The following CTR9 variants were observed in gnomAD, a reference collection of about 807,000 sequenced individuals.
CTR9 encodes RNA polymerase-associated protein CTR9 homolog.
In CTR9, 41 loss-of-function variants were observed where a neutral mutation model predicts 152.1. That is an observed-to-expected ratio of 0.27 (90% confidence interval 0.21 to 0.35). The LOEUF (loss-of-function observed/expected upper bound fraction) is 0.35. Among genes scored for constraint, CTR9 ranks in the 10% least tolerant of loss-of-function variants. CTR9 has a pLI of 1.00. For synonymous variants in CTR9, 476 were observed against 496.2 expected (o/e 0.96, Z 0.54); for missense variants, 917 against 1,424.4 (o/e 0.64, Z 5.73).
chr11:10,774,268 A>G, intron 22 of CTR9, 99 bp downstream of exon 22: 1 of 1,419,872 alleles, frequency 7.0e-7, no homozygotes. Context: ...TGAACACTTG[A>G]TCCAAACAGT....
intron 4 of CTR9, among the ~76,000 whole-genome samples, chr11:10,756,474 G>C (rs1423417893): frequency 1.3e-5 from 2 of 152,056 alleles, no homozygotes; most frequent in Non-Finnish European, 2.9e-5. Context: ...TCATCATTTA[G>C]CTCCCACTTA....
chr11:10,772,419 G>A (rs994597569), intron 19 of CTR9, 101 bp from the exon 20 acceptor site: 1 of 1,005,750 alleles, frequency 9.9e-7, no homozygotes. Context: ...TCAGCTAATG[G>A]TCCTGCTTCA....
intron 2 of CTR9, 54 bp from the exon 3 acceptor site, chr11:10,754,903 AC>A: frequency 6.5e-7 from 1 of 1,549,366 alleles, no homozygotes. Flanking sequence ...TTTGTGTACA[AC>A]TTTTTATATG....
chr11:10,776,971 G>GAAAAAAA (rs11326865), intron 24 of CTR9, among the ~76,000 whole-genome samples: 1 of 63,236 alleles, frequency 1.6e-5, no homozygotes, highest in African/African-American at 5.7e-5. Context: ...AGACTCTTGT[G>GAAAAAAA]AAAAAAAAAA....
At chr11:10,772,786 G>C in intron 20 of CTR9, 131 bp downstream of exon 20, 1 of 929,356 alleles carries the variant, frequency 1.1e-6, no homozygotes. Context: ...TTGGGAGGAT[G>C]AGGTGGGTGG....
chr11:10,775,141 G>A, intron 22 of CTR9, 66 bp from the exon 23 acceptor site: 1 of 1,286,148 alleles, frequency 7.8e-7, no homozygotes, highest in African/African-American at 1.5e-5. Context: ...TAATTTAATG[G>A]CAAAGTAGTC....
intron 5 of CTR9, among the ~76,000 whole-genome samples, chr11:10,759,585 G>C (rs1340764866): frequency 6.6e-6 from 1 of 152,196 alleles, no homozygotes; most frequent in African/African-American, 2.4e-5. Flanking sequence ...GAGAGGATTT[G>C]TATAAGATGG....
chr11:10,777,824 C>G (rs888039422), intron 24 of CTR9, among the ~76,000 whole-genome samples: 2 of 152,148 alleles, frequency 1.3e-5, no homozygotes, highest in African/African-American at 4.8e-5. Context: ...GTTCCTAGAC[C>G]GAACTCTGTG....
intron 10 of CTR9, 46 bp from the exon 11 acceptor site, chr11:10,764,262 G>A: frequency 1.9e-6 from 3 of 1,613,568 alleles, no homozygotes; most frequent in Non-Finnish European, 8.5e-7. Context: ...CTGGTGTAGT[G>A]TCTCTCTTCC....
At position 10,763,829 on chromosome 11, in the gene CTR9, G is replaced by A; in HGVS notation, c.1144G>A (p.Gly382Ser). 2 of 1,613,604 alleles carry A rather than the reference G, an allele frequency of 1.2e-6. No homozygotes were observed. The highest frequency in any genetic ancestry group is 1.7e-6 in the Non-Finnish European group (2 of 1,179,936). Reference sequence around the variant, plus strand: ...TAATTACGAAACTATGAAAATTCTCGGCTCTCTCTATGCTGCCTCAGAAGA... The same window carrying A: ...TAATTACGAAACTATGAAAATTCTCAGCTCTCTCTATGCTGCCTCAGAAGA... ...PNNYETMKILGSLYAASEDQE... is the reference protein window; with the variant it reads ...PNNYETMKILSSLYAASEDQE... Residue 382 changes from glycine to serine, a missense_variant, in exon 9 of 25, where the codon GGC (glycine) becomes AGC (serine). Around this residue, in one of 9 missense-constraint regions of CTR9, gnomAD observed 133 missense variants for 244.1 expected, o/e 0.54. Transcript: ENST00000361367.
chr11:10,752,770 G>T lies in CTR9; in HGVS notation c.144G>T (p.Ala48=), dbSNP rs553969590. 15 of 1,610,360 alleles carry T rather than the reference G, an allele frequency of 9.3e-6. No homozygotes were observed. In the African/African-American group the frequency reaches 1.7e-4, roughly 19 times the overall value. ...HTQLHIWIAL[A]LEYYKQGKTE... The stretch of plus-strand genomic sequence containing the variant: ...AACTGCACATATGGATTGCTTTGGC[G>T]GTCAGTATTCATGTAGCAAATATTT... The change falls in exon 2 of 25, where the codon GCG becomes GCT. Residue 48 remains alanine, a splice_region_variant and synonymous_variant. Transcript: ENST00000361367.
chr11:10,775,085 A>G (rs1863209564), intron 22 of CTR9, 122 bp from the exon 23 acceptor site: 10 of 729,662 alleles, frequency 1.4e-5, no homozygotes, highest in Non-Finnish European at 2.1e-5. Context: ...AGTGTACAGT[A>G]TGATTGAGGA....
intron 5 of CTR9, among the ~76,000 whole-genome samples, chr11:10,757,531 T>A (rs1862905068): frequency 6.6e-6 from 1 of 152,062 alleles, no homozygotes; most frequent in Non-Finnish European, 1.5e-5. Context: ...TGAGCCATGT[T>A]CATGCCACGG....
intron 12 of CTR9, among the ~76,000 whole-genome samples, chr11:10,765,490 C>A (rs1210205256): frequency 2.0e-5 from 3 of 152,008 alleles, no homozygotes; most frequent in Non-Finnish European, 2.9e-5. Context: ...AAGATGGAGT[C>A]TTGCTCTGTC....
chr11:10,756,816 G>C lies in CTR9; in HGVS notation c.570G>C (p.Leu190Phe). The C allele has an allele frequency of 6.2e-7, 1 of 1,612,550 alleles. No homozygotes were observed. The highest frequency in any genetic ancestry group is 8.5e-7 in the Non-Finnish European group (1 of 1,178,974). Residue 190 changes from leucine (L) to phenylalanine (F), a missense_variant, in exon 5 of 25, where the codon TTG becomes TTC. This residue lies in a region of CTR9 where 110 missense variants were observed against 149.5 expected (regional missense o/e 0.74). Coordinates refer to ENST00000361367, the MANE Select transcript of CTR9 (RefSeq NM_014633.5). ...RGALAYYKKA[L>F]RTNPGCPAEV... ...CTCTTGCTTACTATAAGAAAGCATTGCGTACTAACCCAGGATGTCCAGGTA... is the reference window on the plus strand; with the variant it reads ...CTCTTGCTTACTATAAGAAAGCATTCCGTACTAACCCAGGATGTCCAGGTA...
intron 13 of CTR9, among the ~76,000 whole-genome samples, chr11:10,766,893 G>A (rs544394849): frequency 5.3e-5 from 8 of 152,248 alleles, no homozygotes; most frequent in African/African-American, 1.9e-4. Context: ...TCATCTAAAC[G>A]TTTTGAGGGC....
rs748843627 is a variant in CTR9, at chr11:10,778,761, G to T, written c.3178G>T (p.Asp1060Tyr). The T allele has an allele frequency of 6.2e-7, 1 of 1,614,124 alleles. No individual in the cohort carries two copies. Among genetic ancestry groups the T allele is most frequent in the Non-Finnish European group, 8.5e-7 (1 of 1,180,014 alleles). The change falls in exon 25 of 25, where the codon GAT (aspartate) becomes TAT (tyrosine). Residue 1060 changes from aspartate (D) to tyrosine (Y), a missense_variant. Coordinates refer to ENST00000361367, the MANE Select transcript of CTR9 (RefSeq NM_014633.5). The part of the protein sequence containing the change: ...KKCASSESDS[D>Y]ENQNKSGSEA... Reference sequence around the variant, plus strand: ...ATGTGCCTCATCAGAGAGTGATTCCGATGAGAACCAGAACAAGTCTGGCAG... The same window carrying T: ...ATGTGCCTCATCAGAGAGTGATTCCTATGAGAACCAGAACAAGTCTGGCAG...
At chr11:10,754,751 A>G (rs1862858668) in intron 2 of CTR9, among the ~76,000 whole-genome samples, 1 of 152,176 alleles carries the variant, frequency 6.6e-6, no homozygotes, top group South Asian at 2.1e-4. Flanking sequence ...ATGTTGTAGC[A>G]TGTATCAGTA....
At position 10,756,740 on chromosome 11, in the gene CTR9, T is replaced by C. The variant is rs1175697462; in HGVS notation, c.503-9T>C. ...CAGACACTGTGTTTATTTTTAAAAATCATTACAGGTAAAGCTTGCATTTCC... is the reference window on the plus strand; with the variant it reads ...CAGACACTGTGTTTATTTTTAAAAACCATTACAGGTAAAGCTTGCATTTCC... On this transcript the variant is annotated splice_polypyrimidine_tract_variant and intron_variant, in intron 4 of 24. Transcript: ENST00000361367. The C allele has an allele frequency of 6.3e-7, 1 of 1,599,026 alleles. No homozygotes were observed. Among genetic ancestry groups the C allele is most frequent in the South Asian group, 1.1e-5 (1 of 89,704 alleles).
Sources: gnomAD v4.1 joint callset for allele counts (sites outside exome capture counted in the v4.1 genomes callset) on GRCh38, gnomAD v4.1.1 for gene constraint, gnomAD v4.1.1 regional missense constraint, MANE v1.5 for transcripts, NCBI Gene and HGNC (gene_info 2026-07-23, HGNC 2026-07-21) for gene names.